PPARGC1A: variants seen among roughly 807,000 people sequenced by gnomAD.
PPARGC1A encodes the protein PPARG coactivator 1 alpha, also known as peroxisome proliferator-activated receptor gamma coactivator 1-alpha.
Under a neutral mutation model 88.7 loss-of-function variants are expected in PPARGC1A, and 25 were observed. The ratio of observed to expected loss-of-function variants is 0.28; its 90% CI spans 0.21 to 0.39. PPARGC1A has a LOEUF of 0.39. Among genes scored for constraint, PPARGC1A ranks in the 10% least tolerant of loss-of-function variants. The pLI, the probability that PPARGC1A is intolerant of heterozygous loss-of-function variation, is 1.00. For synonymous variants in PPARGC1A, 363 were observed against 355.6 expected (o/e 1.02, Z -0.24); for missense variants, 880 against 968.7 (o/e 0.91, Z 1.22).
At chr4:24,346,693 C>A in the PPARGC1A span, among the ~76,000 whole-genome samples, 1 of 152,056 alleles carries the variant, frequency 6.6e-6, no homozygotes, top group East Asian at 1.9e-4. Context: ...TGCTAATGGT[C>A]TATCAATTTT....
At chr4:24,426,505 C>A in the PPARGC1A span, among the ~76,000 whole-genome samples, 1 of 152,318 alleles carries the variant, frequency 6.6e-6, no homozygotes, top group South Asian at 2.1e-4. Flanking sequence ...ATGTGAAACT[C>A]TGGGGGTGTC....
chr4:24,050,709 A>AT, the PPARGC1A span, among the ~76,000 whole-genome samples: 1 of 152,180 alleles, frequency 6.6e-6, no homozygotes, highest in Non-Finnish European at 1.5e-5. Flanking sequence ...TCAAGGAAAT[A>AT]TTTTTGTTGT....
At chr4:23,983,050 A>G in the PPARGC1A span, among the ~76,000 whole-genome samples, 1 of 152,180 alleles carries the variant, frequency 6.6e-6, no homozygotes, top group African/African-American at 2.4e-5. Flanking sequence ...TGTGGCCTGC[A>G]AAATTTAAAA....
At chr4:24,101,143 C>T in the PPARGC1A span, among the ~76,000 whole-genome samples, 9 of 152,172 alleles carry the variant, frequency 5.9e-5, no homozygotes, top group African/African-American at 1.9e-4. Flanking sequence ...GATTGGAACA[C>T]GGAAGTGGTT....
At chr4:24,319,390 A>G in the PPARGC1A span, among the ~76,000 whole-genome samples, 9 of 152,120 alleles carry the variant, frequency 5.9e-5, no homozygotes, top group African/African-American at 2.2e-4. Flanking sequence ...GAAAAGACCA[A>G]CTTTGTCCTG....
chr4:24,019,237 C>T, the PPARGC1A span, among the ~76,000 whole-genome samples: 2 of 152,088 alleles, frequency 1.3e-5, no homozygotes, highest in Non-Finnish European at 2.9e-5. Context: ...TACATATAAT[C>T]CTAGGCTAGA....
chr4:24,290,519 G>C, the PPARGC1A span, among the ~76,000 whole-genome samples: 3 of 152,066 alleles, frequency 2.0e-5, no homozygotes, highest in Non-Finnish European at 4.4e-5. Flanking sequence ...GTTGTCAAAA[G>C]AAATAAATAA....
chr4:24,211,093 G>A, the PPARGC1A span, among the ~76,000 whole-genome samples: 1 of 152,088 alleles, frequency 6.6e-6, no homozygotes, highest in South Asian at 2.1e-4. Flanking sequence ...CTTCTTAAGG[G>A]CACAGGCAAG....
intron 2 of PPARGC1A, among the ~76,000 whole-genome samples, chr4:23,870,946 T>A (rs1351649621): frequency 6.6e-6 from 1 of 151,968 alleles, no homozygotes; most frequent in South Asian, 2.1e-4. Context: ...GTGTTTTTTT[T>A]TTTTTTTCTT....
chr4:24,273,146 G>A, the PPARGC1A span, among the ~76,000 whole-genome samples: 799 of 152,256 alleles, frequency 5.2e-3, 7 homozygotes, highest in Non-Finnish European at 8.8e-3. Flanking sequence ...TGGAAATCGA[G>A]AGCAGCTTCT....
the PPARGC1A span, among the ~76,000 whole-genome samples, chr4:24,206,604 G>C: frequency 6.6e-6 from 1 of 152,116 alleles, no homozygotes; most frequent in African/African-American, 2.4e-5. Context: ...GGCTGAGGCA[G>C]GTTGATCACT....
At chr4:24,073,359 C>T in the PPARGC1A span, among the ~76,000 whole-genome samples, 3 of 152,132 alleles carry the variant, frequency 2.0e-5, no homozygotes, top group African/African-American at 7.2e-5. Context: ...TGTTAATCTA[C>T]AGCCCCTCTG....
chr4:24,116,862 A>T, the PPARGC1A span, among the ~76,000 whole-genome samples: 2 of 152,190 alleles, frequency 1.3e-5, no homozygotes, highest in Admixed American at 1.3e-4. Flanking sequence ...CTCGTCGTAC[A>T]TTAAAAGATT....
At chr4:23,896,867 A>G (rs189611649) in intron 1 of PPARGC1A, among the ~76,000 whole-genome samples, 153 of 152,266 alleles carry the variant, frequency 1.0e-3, no homozygotes, top group African/African-American at 3.5e-3. Context: ...GAGTGTTTGG[A>G]GACATGGCTT....
the PPARGC1A span, among the ~76,000 whole-genome samples, chr4:24,295,464 G>A: frequency 6.6e-6 from 1 of 152,032 alleles, no homozygotes; most frequent in African/African-American, 2.4e-5. Flanking sequence ...TGCTATTGGA[G>A]TTTGTGGGAA....
the PPARGC1A span, among the ~76,000 whole-genome samples, chr4:24,176,946 G>A: frequency 6.6e-6 from 1 of 152,306 alleles, no homozygotes; most frequent in South Asian, 2.1e-4. Context: ...CAGATGGTAA[G>A]TTCCTTGAGG....
At chr4:23,948,078 C>T in the PPARGC1A span, among the ~76,000 whole-genome samples, 224 of 152,212 alleles carry the variant, frequency 1.5e-3, no homozygotes, top group African/African-American at 5.1e-3. Context: ...GCCAAGAATG[C>T]AGCCACACTC....
At chr4:24,044,571 T>A in the PPARGC1A span, among the ~76,000 whole-genome samples, 1 of 152,156 alleles carries the variant, frequency 6.6e-6, no homozygotes. Flanking sequence ...GATGGCGTCT[T>A]TAATCCCAGG....
the PPARGC1A span, among the ~76,000 whole-genome samples, chr4:24,190,221 T>C: frequency 1.3e-5 from 2 of 151,984 alleles, no homozygotes; most frequent in Non-Finnish European, 2.9e-5. Flanking sequence ...TCTAAAAAAA[T>C]AAAATAAAAT....
Sources: allele counts gnomAD v4.1 joint callset (sites outside exome capture counted in the v4.1 genomes callset), GRCh38; gene constraint gnomAD v4.1.1; transcripts MANE v1.5; gene names NCBI Gene and HGNC (gene_info 2026-07-23, HGNC 2026-07-21).